The following ANKRD27 variants were observed in gnomAD, a reference collection of about 807,000 sequenced individuals.
ANKRD27 encodes ankyrin repeat domain 27.
ANKRD27 carries 112 observed loss-of-function variants against 129.7 expected under a neutral mutation model. That is an observed-to-expected ratio of 0.86 (90% CI 0.74 to 1.01). The LOEUF (loss-of-function observed/expected upper bound fraction) is 1.01, where lower values mean the gene tolerates loss of function less well. Ranked by LOEUF, ANKRD27 falls within the 50% of genes least tolerant of loss-of-function variation. The probability of loss-of-function intolerance (pLI) is 0.00; values close to 1 mark genes in which losing one functional copy is unlikely to be tolerated. For synonymous variants in ANKRD27, 516 were observed against 511.2 expected, an observed-to-expected ratio of 1.01 and a Z score of -0.13; for missense variants, 1,258 against 1,300.5, an observed-to-expected ratio of 0.97 and a Z score of 0.50.
chr19:32,611,514 T>C (rs1050212196), intron 22 of ANKRD27, among the ~76,000 whole-genome samples: 2 of 152,234 alleles, frequency 1.3e-5, no homozygotes, highest in Non-Finnish European at 2.9e-5. Flanking sequence ...TGAAGTTCTT[T>C]TTAGAAATGG....
rs1458295734 is a variant in ANKRD27 at position 32,643,650 on chromosome 19, A to C, written c.526-19T>G. ...CTGAGTCCTAAACCACATAGAGCAG[A>C]GGGACAGGCCACCCTTACCAGCAAG... On this transcript the variant is annotated intron_variant, in intron 5 of 28. Coordinates refer to ENST00000306065, the MANE Select transcript of ANKRD27 (RefSeq NM_032139.3). 1 of 1,613,658 alleles carries C rather than the reference A, an allele frequency of 6.2e-7. No homozygotes were observed. The highest frequency in any genetic ancestry group is 1.1e-5 in the South Asian group (1 of 91,054).
chr19:32,649,873 C>T, intron 2 of ANKRD27, 81 bp from the exon 3 acceptor site: 1 of 911,770 alleles, frequency 1.1e-6, no homozygotes, highest in African/African-American at 1.6e-5. Context: ...CAAAGGCGCT[C>T]CAGCTGGACA....
Position 32,597,467 on chromosome 19 carries a change from A to G in ANKRD27, c.*678T>C, listed in dbSNP as rs1249375397. On this transcript the variant is annotated 3_prime_UTR_variant, in exon 29 of 29. Coordinates refer to ENST00000306065, the MANE Select transcript of ANKRD27 (RefSeq NM_032139.3). Reference sequence around the variant, plus strand: ...AAGGGATGTTTCTAGAAATACTGCTACAGGTGCACGTGTAGTAACCGAATA... The same window carrying G: ...AAGGGATGTTTCTAGAAATACTGCTGCAGGTGCACGTGTAGTAACCGAATA... 1 of 152,776 alleles carries G rather than the reference A, an allele frequency of 6.5e-6. No homozygotes were observed. The highest frequency in any genetic ancestry group is 2.4e-5 in the African/African-American group (1 of 41,446). The allele number at this position is 152,776 out of a possible 1,614,324, so 9.5% of individuals were successfully genotyped here.
At chr19:32,608,644 C>T (rs552534239) in intron 22 of ANKRD27, among the ~76,000 whole-genome samples, 4 of 152,232 alleles carry the variant, frequency 2.6e-5, no homozygotes, top group African/African-American at 7.2e-5. Flanking sequence ...GCATATTTAT[C>T]AGAATGGCTA....
At position 32,644,250 on chromosome 19, in the gene ANKRD27, G is replaced by C. The variant is rs554963302; in HGVS notation, c.525+75C>G. 8.2e-5 allele frequency: 124 copies of C among 1,515,404 alleles called. No homozygotes were observed. The East Asian group carries it at 2.8e-3, about 34-fold the overall frequency. The allele number at this position is 1,515,404 out of a possible 1,614,324, so 93.9% of individuals were successfully genotyped here. ...GAGGCAGCACCAGGCAGTTCCAGAG[G>C]AAACTGAGGGCTCCCAGCACCCTGC... On this transcript the variant is annotated intron_variant, in intron 5 of 28. Transcript: ENST00000306065.
intron 2 of ANKRD27, among the ~76,000 whole-genome samples, chr19:32,651,336 G>A (rs1457575525): frequency 4.6e-5 from 7 of 152,138 alleles, no homozygotes; most frequent in African/African-American, 7.2e-5. Flanking sequence ...AGGAAGGGCC[G>A]TGGCTGGAGG....
chr19:32,645,042 T>C (rs1967275403), intron 4 of ANKRD27, among the ~76,000 whole-genome samples: 1 of 152,214 alleles, frequency 6.6e-6, no homozygotes, highest in Non-Finnish European at 1.5e-5. Flanking sequence ...AAAGTTCTAG[T>C]AGGAACCACT....
intron 15 of ANKRD27, 80 bp from the exon 16 acceptor site, chr19:32,626,907 T>G: frequency 1.1e-6 from 1 of 917,978 alleles, no homozygotes; most frequent in Non-Finnish European, 1.7e-6. Flanking sequence ...CACAACACTA[T>G]TGCACCCTCC....
At chr19:32,674,987 G>T (rs1157123228) in intron 1 of ANKRD27, 84 bp downstream of exon 1, 2 of 152,008 alleles carry the variant, frequency 1.3e-5, no homozygotes, top group African/African-American at 4.8e-5. Context: ...TCACTCTCCG[G>T]GCCCCGCCCG....
intron 22 of ANKRD27, chr19:32,608,352 A>T (rs1971781664): frequency 1.0e-5 from 3 of 299,542 alleles, no homozygotes; most frequent in South Asian, 8.5e-5. Context: ...TAGAGCCTCC[A>T]AATTTCCTTT....
intron 16 of ANKRD27, among the ~76,000 whole-genome samples, chr19:32,626,453 C>G (rs2145281938): frequency 6.6e-6 from 1 of 152,274 alleles, no homozygotes; most frequent in African/African-American, 2.4e-5. Context: ...GGATTACAGG[C>G]GTGAGCTACC....
rs772176447 is a variant in ANKRD27, at chr19:32,642,131, C to A, written c.797G>T (p.Arg266Leu). The change falls in exon 10 of 29, where the codon CGT becomes CTT. Residue 266 changes from arginine (R) to leucine (L), a missense_variant. Physicochemically the swap from Arg to Leu is moderately radical, Grantham distance 102. Coordinates refer to ENST00000306065, the MANE Select transcript of ANKRD27 (RefSeq NM_032139.3). The stretch of plus-strand genomic sequence containing the variant: ...CAGCTGAGCCAGCTCTCTTTTGGCA[C>A]GAGGTATGTTAAAGCTGTAAAATAA... ...VKPEFSFNIPRAKRELAQLNK... is the reference protein window; with the variant it reads ...VKPEFSFNIPLAKRELAQLNK... 1.2e-6 allele frequency: 2 copies of A among 1,604,924 alleles called. No individual in the cohort carries two copies. Among genetic ancestry groups the A allele is most frequent in the Non-Finnish European group, 1.7e-6 (2 of 1,174,530 alleles).
At chr19:32,643,669 C>T in intron 5 of ANKRD27, 38 bp from the exon 6 acceptor site, 1 of 1,609,974 alleles carries the variant, frequency 6.2e-7, no homozygotes, top group Non-Finnish European at 8.5e-7. Flanking sequence ...CCACCCTTAC[C>T]AGCAAGGCCA....
At chr19:32,616,208 C>T (rs1971916146) in intron 21 of ANKRD27, among the ~76,000 whole-genome samples, 1 of 152,028 alleles carries the variant, frequency 6.6e-6, no homozygotes, top group African/African-American at 2.4e-5. Context: ...AAAATAAACC[C>T]ATCCTGGTCC....
Position 32,640,612 on chromosome 19 carries a change from G to A in ANKRD27, c.905-227C>T, listed in dbSNP as rs117635432. Among the ~76,000 whole-genome samples the A allele has an allele frequency of 3.5e-3, 537 of 152,326 alleles. 14 individuals carry two copies. In the South Asian group the frequency reaches 0.063, roughly 18 times the overall value. Reference sequence around the variant, plus strand: ...AGAACATGACCAAAACAAGGTATTAGTAACTCTAGCCAGATACGGCAGCAC... The same window carrying A: ...AGAACATGACCAAAACAAGGTATTAATAACTCTAGCCAGATACGGCAGCAC... On this transcript the variant is annotated intron_variant, in intron 10 of 28. Coordinates refer to ENST00000306065, the MANE Select transcript of ANKRD27 (RefSeq NM_032139.3).
chr19:32,664,818 G>A (rs1290540439), intron 1 of ANKRD27, among the ~76,000 whole-genome samples: 3 of 148,084 alleles, frequency 2.0e-5, no homozygotes, highest in Non-Finnish European at 4.5e-5. Context: ...TACTCGGGAG[G>A]ATGAGGCAGG....
intron 20 of ANKRD27, 22 bp downstream of exon 20, chr19:32,619,238 G>A: frequency 6.2e-7 from 1 of 1,600,812 alleles, no homozygotes; most frequent in Non-Finnish European, 8.5e-7. Context: ...CCCCTCCCCA[G>A]CCCTTCCTCT....
chr19:32,599,584 A>G, intron 28 of ANKRD27, 120 bp downstream of exon 28: 1 of 833,390 alleles, frequency 1.2e-6, no homozygotes, highest in Non-Finnish European at 1.9e-6. Flanking sequence ...AACTGCTGCT[A>G]ACTCATACGG....
At chr19:32,616,236 A>G (rs1054408720) in intron 21 of ANKRD27, among the ~76,000 whole-genome samples, 14 of 152,014 alleles carry the variant, frequency 9.2e-5, no homozygotes, top group African/African-American at 2.9e-4. Context: ...CTTAGTGAGC[A>G]CCTCACTCCC....
Sources: allele counts gnomAD v4.1 joint callset (sites outside exome capture counted in the v4.1 genomes callset), GRCh38; gene constraint gnomAD v4.1.1; transcripts MANE v1.5; gene names NCBI Gene and HGNC (gene_info 2026-07-23, HGNC 2026-07-21).